Variants in TUBB8B observed in about 807,000 individuals in gnomAD.
The protein encoded by TUBB8B is HSA18p11 beta-tubulin 4Q pseudogene.
A neutral mutation model predicts 31.9 loss-of-function variants in TUBB8B; 26 were observed. That is an observed-to-expected ratio of 0.81 (90% CI 0.60 to 1.13). The LOEUF is 1.13. Among genes scored for constraint, TUBB8B ranks in the 50% most tolerant of loss-of-function variants. The pLI is 0.00. For synonymous variants in TUBB8B, 173 were observed against 231.0 expected, an observed-to-expected ratio of 0.75 and a Z score of 2.28; for missense variants, 467 against 586.7, an observed-to-expected ratio of 0.80 and a Z score of 2.11.
chr18:63,751 C>T, the TUBB8B span, among the ~76,000 whole-genome samples: 1 of 147,582 alleles, frequency 6.8e-6, no homozygotes, highest in Non-Finnish European at 1.5e-5. Context: ...TAACCCTAAC[C>T]CTAGCCCTAA....
At chr18:62,019 G>T in the TUBB8B span, among the ~76,000 whole-genome samples, 1 of 151,790 alleles carries the variant, frequency 6.6e-6, no homozygotes, top group Non-Finnish European at 1.5e-5. Context: ...TGTAGGACAG[G>T]TCTGGTGTTA....
upstream of TUBB8B, among the ~76,000 whole-genome samples, chr18:50,840 GGTCA>G (rs1906070312): frequency 6.6e-6 from 1 of 151,940 alleles, no homozygotes; most frequent in Non-Finnish European, 1.5e-5. Flanking sequence ...CCTTTTACAT[GGTCA>G]GTCTCTCTTT....
At chr18:66,786 G>A in the TUBB8B span, among the ~76,000 whole-genome samples, 1 of 152,000 alleles carries the variant, frequency 6.6e-6, no homozygotes, top group Admixed American at 6.6e-5. Context: ...GACAGGATCA[G>A]CCTGTTGATT....
the TUBB8B span, among the ~76,000 whole-genome samples, chr18:72,196 A>AAAAGAAAAAAAAAAAAAAAAAAAAAAC: frequency 1.2e-5 from 1 of 84,536 alleles, no homozygotes; most frequent in Admixed American, 1.4e-4. Flanking sequence ...AAAAAAAAAA[A>AAAAGAAAAAAAAAAAAAAAAAAAAAAC]AAAGGAAAAA....
the TUBB8B span, among the ~76,000 whole-genome samples, chr18:69,481 G>A: frequency 3.3e-5 from 5 of 152,110 alleles, no homozygotes; most frequent in African/African-American, 1.2e-4. Flanking sequence ...ACTCTTCAGG[G>A]AGCCAGACAG....
chr18:55,785 T>C, the TUBB8B span, among the ~76,000 whole-genome samples: 1 of 151,846 alleles, frequency 6.6e-6, no homozygotes, highest in Admixed American at 6.6e-5. Flanking sequence ...ATTCTGTGGG[T>C]TTTCTCTTCA....
chr18:66,669 T>C, the TUBB8B span, among the ~76,000 whole-genome samples: 2 of 152,312 alleles, frequency 1.3e-5, no homozygotes, highest in South Asian at 2.1e-4. Context: ...TTTATTACTG[T>C]TGCTTTGTAG....
the TUBB8B span, among the ~76,000 whole-genome samples, chr18:65,634 A>G: frequency 6.6e-6 from 1 of 152,264 alleles, no homozygotes; most frequent in Non-Finnish European, 1.5e-5. Context: ...TACTCCTAAG[A>G]TCAGGACCAA....
At chr18:54,334 A>T (rs193118744), upstream of TUBB8B, among the ~76,000 whole-genome samples, 17 of 151,990 alleles carry the variant, frequency 1.1e-4, 1 homozygote, top group African/African-American at 3.9e-4. Flanking sequence ...GTAATACATA[A>T]TAAAAAACAG....
At chr18:71,507 A>G in the TUBB8B span, among the ~76,000 whole-genome samples, 1 of 147,068 alleles carries the variant, frequency 6.8e-6, no homozygotes, top group Non-Finnish European at 1.5e-5. Context: ...AGATTGGGAC[A>G]TTGCACTTTA....
At chr18:71,466 G>A in the TUBB8B span, among the ~76,000 whole-genome samples, 1 of 148,956 alleles carries the variant, frequency 6.7e-6, no homozygotes, top group African/African-American at 2.5e-5. Flanking sequence ...AGAGCTTCTT[G>A]AACCCAGGAG....
Position 47,855 on chromosome 18 carries a change from G to T in TUBB8B, c.870C>A (p.Thr290=). 2.5e-6 allele frequency: 4 copies of T among 1,610,992 alleles called. No individual in the cohort carries two copies. The highest frequency in any genetic ancestry group is 3.4e-6 in the Non-Finnish European group (4 of 1,179,176). ...QYRALTVAEL[T]QQMFDAKNMM... ...TGTTCTTAGCATCAAACATCTGCTGGGTGAGCTCAGCCACAGTCAAGGCCC... is the reference window on the plus strand; with the variant it reads ...TGTTCTTAGCATCAAACATCTGCTGTGTGAGCTCAGCCACAGTCAAGGCCC... Residue 290 remains threonine, a synonymous_variant, in exon 4 of 4, where the codon ACC becomes ACA. Transcript: ENST00000308911.
chr18:66,274 G>A, the TUBB8B span, among the ~76,000 whole-genome samples: 1 of 152,192 alleles, frequency 6.6e-6, no homozygotes, highest in Non-Finnish European at 1.5e-5. Context: ...TCAACAGGCT[G>A]GACATGGTAG....
the TUBB8B span, among the ~76,000 whole-genome samples, chr18:67,274 G>C: frequency 1.1e-4 from 16 of 152,312 alleles, no homozygotes; most frequent in East Asian, 3.1e-3. Flanking sequence ...GGGATTACAG[G>C]CGTGAGCCAC....
chr18:62,528 C>T, the TUBB8B span, among the ~76,000 whole-genome samples: 2 of 151,010 alleles, frequency 1.3e-5, no homozygotes, highest in African/African-American at 4.9e-5. Flanking sequence ...ACGCCATTCT[C>T]CTGCCTCAGC....
chr18:64,681 C>A, the TUBB8B span, among the ~76,000 whole-genome samples: 1 of 152,064 alleles, frequency 6.6e-6, no homozygotes, highest in Non-Finnish European at 1.5e-5. Flanking sequence ...GCCAAGACTG[C>A]GCCACTGCAC....
the TUBB8B span, among the ~76,000 whole-genome samples, chr18:64,008 ACT>A: frequency 7.0e-6 from 1 of 142,092 alleles, no homozygotes; most frequent in African/African-American, 2.7e-5. Context: ...ACCCCTAACC[ACT>A]GACCCCAACC....
At chr18:66,137 G>A in the TUBB8B span, among the ~76,000 whole-genome samples, 1 of 152,196 alleles carries the variant, frequency 6.6e-6, no homozygotes, top group Non-Finnish European at 1.5e-5. Flanking sequence ...ACAGAGGAGA[G>A]AGGATTAATT....
the TUBB8B span, among the ~76,000 whole-genome samples, chr18:69,070 G>A: frequency 1.3e-5 from 2 of 152,328 alleles, no homozygotes; most frequent in East Asian, 1.9e-4. Flanking sequence ...AGAATCACCC[G>A]CAATTTGTAG....
Sources: gnomAD v4.1 joint callset for allele counts (sites outside exome capture counted in the v4.1 genomes callset) on GRCh38, gnomAD v4.1.1 for gene constraint, MANE v1.5 for transcripts, NCBI Gene and HGNC (gene_info 2026-07-23, HGNC 2026-07-21) for gene names.